The following LATS1 variants were observed in gnomAD, a reference collection of about 807,000 sequenced individuals.
LATS1 encodes serine/threonine-protein kinase LATS1.
LATS1 carries 25 observed loss-of-function variants against 106.6 expected under a neutral mutation model. The observed-to-expected ratio is 0.23, with a 90% CI of 0.17 to 0.33. The LOEUF (loss-of-function observed/expected upper bound fraction) is 0.33, where lower values mean the gene tolerates loss of function less well. Ranked by LOEUF, LATS1 falls within the 10% of genes least tolerant of loss-of-function variation. The pLI is 1.00. For synonymous variants in LATS1, 465 were observed against 455.6 expected (o/e 1.02, Z -0.26); for missense variants, 1,040 against 1,382.6 (o/e 0.75, Z 3.93).
intron 7 of LATS1, 96 bp downstream of exon 7, chr6:149,676,164 T>C: frequency 1.2e-6 from 1 of 854,350 alleles, no homozygotes; most frequent in Non-Finnish European, 2.0e-6. Context: ...AGTTCATTCT[T>C]TAACTCCAGA....
chr6:149,669,989 C>T (rs774759775), intron 7 of LATS1, among the ~76,000 whole-genome samples: 4 of 151,082 alleles, frequency 2.6e-5, no homozygotes, highest in Non-Finnish European at 5.9e-5. Flanking sequence ...CTGGCCAACA[C>T]AGTGAAACCC....
chr6:149,662,280 A>G lies in LATS1; in HGVS notation c.2884-42T>C, dbSNP rs768608177. 4 of 1,457,404 alleles carry G rather than the reference A, an allele frequency of 2.7e-6. No individual in the cohort carries two copies. The Admixed American group carries it at 9.0e-5, about 33-fold the overall frequency. 90.3% of individuals were successfully genotyped at this position (1,457,404 alleles called of 1,614,324 possible). On this transcript the variant is annotated intron_variant, in intron 7 of 7. Transcript: ENST00000543571. ...AAATTAGGGGGAAGAGATAAATTAG[A>G]AAAATAAAGATTTCCTTCAAGTTTT...
intron 1 of LATS1, among the ~76,000 whole-genome samples, chr6:149,712,355 C>T (rs9383812): frequency 0.4 from 60,974 of 151,840 alleles, 13,137 homozygotes; most frequent in East Asian, 0.81. Context: ...TGTGCCACCA[C>T]ACCCGGTTAA....
chr6:149,700,807 G>C (rs1783409063), intron 2 of LATS1, among the ~76,000 whole-genome samples: 1 of 152,168 alleles, frequency 6.6e-6, no homozygotes, highest in South Asian at 2.1e-4. Flanking sequence ...TTTTGAGATG[G>C]AGTTTCCCTC....
chr6:149,710,290 A>G (rs1396553751), intron 1 of LATS1, among the ~76,000 whole-genome samples: 2 of 152,096 alleles, frequency 1.3e-5, no homozygotes, highest in East Asian at 3.9e-4. Context: ...GATCTCTTAA[A>G]ATATTTTACA....
intron 7 of LATS1, among the ~76,000 whole-genome samples, chr6:149,666,744 C>T (rs181585578): frequency 5.3e-5 from 8 of 151,734 alleles, no homozygotes; most frequent in Admixed American, 5.3e-4. Context: ...AGATCGAGAC[C>T]ATCCTGGCTA....
intron 7 of LATS1, among the ~76,000 whole-genome samples, chr6:149,667,732 A>G (rs986892933): frequency 2.0e-5 from 3 of 152,208 alleles, no homozygotes; most frequent in African/African-American, 7.2e-5. Context: ...ATAAAGCCTG[A>G]GAAATCCATG....
chr6:149,710,392 G>A lies in LATS1; in HGVS notation c.-141+7457C>T, dbSNP rs564156633. Among the ~76,000 whole-genome samples, 10 of 152,308 alleles carry A rather than the reference G, an allele frequency of 6.6e-5. No individual in the cohort carries two copies. The South Asian group carries it at 2.1e-3, about 32-fold the overall frequency. On this transcript the variant is annotated intron_variant, in intron 1 of 7. Coordinates refer to ENST00000543571, the MANE Select transcript of LATS1 (RefSeq NM_004690.4). The stretch of plus-strand genomic sequence containing the variant: ...GCTTTCTCTGAGTCGTCCCGAATTG[G>A]AAGAAGGCACAAAAATTAGGGAAGC...
intron 2 of LATS1, among the ~76,000 whole-genome samples, chr6:149,699,951 T>C (rs1294308093): frequency 6.6e-6 from 1 of 152,194 alleles, no homozygotes. Context: ...TCAATAATTA[T>C]ACTTTGCCTT....
intron 7 of LATS1, among the ~76,000 whole-genome samples, chr6:149,671,888 A>G (rs1387078945): frequency 1.3e-5 from 2 of 151,212 alleles, no homozygotes; most frequent in African/African-American, 4.9e-5. Flanking sequence ...TAGATCTATG[A>G]TTTCTTTCTT....
At position 149,676,629 on chromosome 6, in the gene LATS1, T is replaced by C. The variant is rs1324672127; in HGVS notation, c.2702A>G (p.Gln901Arg). The change falls in exon 6 of 8, where the codon CAG (glutamine) becomes CGG (arginine). Residue 901 changes from glutamine (Q) to arginine (R), a missense_variant. Gln to Arg is a conservative substitution (Grantham distance 43, BLOSUM62 1). This residue lies in a region of LATS1 where 63 missense variants were observed against 64.3 expected (regional missense o/e 0.98). Coordinates refer to ENST00000543571, the MANE Select transcript of LATS1 (RefSeq NM_004690.4). ...AGAATGTGCTAGACATCGCTGGTGC[T>C]GGCGTGCAGCTCTCCGCTCTAATGG... is the stretch of plus-strand genomic sequence containing the variant. ...LKPLERRAAR[Q>R]HQRCLAHSLV... The C allele has an allele frequency of 6.2e-7, 1 of 1,614,178 alleles. No individual in the cohort carries two copies. Among genetic ancestry groups the C allele is most frequent in the Non-Finnish European group, 8.5e-7 (1 of 1,180,032 alleles).
chr6:149,674,917 T>C (rs1201157859), intron 7 of LATS1, among the ~76,000 whole-genome samples: 1 of 151,092 alleles, frequency 6.6e-6, no homozygotes, highest in African/African-American at 2.4e-5. Context: ...ATAAATAAAG[T>C]GCTGGGATTA....
rs750639706 is a variant in LATS1, at chr6:149,697,189, A to G, written c.349-1968T>C. On this transcript the variant is annotated intron_variant, in intron 2 of 7. Coordinates refer to ENST00000543571, the MANE Select transcript of LATS1 (RefSeq NM_004690.4). ...CAGGCTACTGACAGATGATCCTCCT[A>G]TATGAAATGATAAGAGAAGAATGTG... 4 of 1,264,642 alleles carry G rather than the reference A, an allele frequency of 3.2e-6. 1 individual carries two copies. The South Asian group carries it at 4.6e-5, about 15-fold the overall frequency. The allele number at this position is 1,264,642 out of a possible 1,614,324, so 78.3% of individuals were successfully genotyped here. A position where few individuals can be genotyped will look rare whatever the true frequency, so the allele number is the denominator to read the frequency against.
Position 149,695,133 on chromosome 6 carries a change from G to A in LATS1, c.437C>T (p.Pro146Leu). Reference sequence around the variant, plus strand: ...TGCTGCAGCCATCTGCTCTCGTCGAGGATCTTGGTAACTCATTTTACTAAT... The same window carrying A: ...TGCTGCAGCCATCTGCTCTCGTCGAAGATCTTGGTAACTCATTTTACTAAT... ...EFISKMSYQD[P>L]RREQMAAAAA... The change falls in exon 3 of 8, where the codon CCT becomes CTT. Residue 146 changes from proline to leucine, a missense_variant. Transcript: ENST00000543571. The A allele has an allele frequency of 6.2e-7, 1 of 1,613,226 alleles. No individual in the cohort carries two copies. Among genetic ancestry groups the A allele is most frequent in the East Asian group, 2.2e-5 (1 of 44,822 alleles).
intron 1 of LATS1, among the ~76,000 whole-genome samples, chr6:149,714,323 G>C (rs1365866849): frequency 6.6e-6 from 1 of 151,924 alleles, no homozygotes; most frequent in African/African-American, 2.4e-5. Context: ...GCCCAGGCTG[G>C]TCTCAAACTC....
intron 1 of LATS1, among the ~76,000 whole-genome samples, chr6:149,703,269 T>C (rs1296833748): frequency 2.6e-5 from 4 of 152,124 alleles, no homozygotes; most frequent in Admixed American, 1.3e-4. Flanking sequence ...GCCACTGCAA[T>C]CCTCCACTTT....
At chr6:149,714,955 T>C (rs914231306) in intron 1 of LATS1, among the ~76,000 whole-genome samples, 2 of 152,214 alleles carry the variant, frequency 1.3e-5, no homozygotes, top group African/African-American at 4.8e-5. Context: ...TTATCTTAGA[T>C]TTAGTGGTAT....
intron 2 of LATS1, among the ~76,000 whole-genome samples, chr6:149,695,440 G>A (rs9322210): frequency 0.45 from 68,109 of 151,986 alleles, 16,337 homozygotes; most frequent in East Asian, 0.81. Flanking sequence ...TTGGGAGGCC[G>A]AGGTGGTCAG....
intron 3 of LATS1, among the ~76,000 whole-genome samples, chr6:149,687,328 T>C (rs1022432162): frequency 3.3e-5 from 5 of 152,120 alleles, no homozygotes; most frequent in African/African-American, 7.2e-5. Context: ...TGACCTCAGG[T>C]GATCCGCCCA....
Sources: gnomAD v4.1 joint callset for allele counts (sites outside exome capture counted in the v4.1 genomes callset) on GRCh38, gnomAD v4.1.1 for gene constraint, gnomAD v4.1.1 regional missense constraint, MANE v1.5 for transcripts, NCBI Gene and HGNC (gene_info 2026-07-23, HGNC 2026-07-21) for gene names.